CSMD1: variants seen among roughly 807,000 people sequenced by gnomAD.
The protein encoded by CSMD1 is CUB and sushi domain-containing protein 1.
In CSMD1, 213 loss-of-function variants were observed where a neutral mutation model predicts 417.5. That is an observed-to-expected ratio of 0.51 (90% CI 0.46 to 0.57). CSMD1 has a LOEUF of 0.57. CSMD1 is among the 20% of genes least tolerant of loss of function. CSMD1 has a pLI of 0.00. For missense variants in CSMD1, 6,923 were observed against 4,529.7 expected (o/e 1.53, Z -15.17); for synonymous variants, 2,862 against 1,736.8 (o/e 1.65, Z -16.11).
chr8:4,276,418 G>C (rs541215291), intron 3 of CSMD1, among the ~76,000 whole-genome samples: 9 of 152,104 alleles, frequency 5.9e-5, no homozygotes, highest in East Asian at 1.9e-4. Flanking sequence ...AGTGGGAGTT[G>C]AACAATGAGG....
At chr8:4,690,167 T>G (rs1414028829) in intron 1 of CSMD1, among the ~76,000 whole-genome samples, 1 of 152,214 alleles carries the variant, frequency 6.6e-6, no homozygotes, top group African/African-American at 2.4e-5. Flanking sequence ...AAGATTACCC[T>G]CACAGTGTTA....
In CSMD1 at chr8:3,000,061, G is replaced by C. The variant is rs777461082; in HGVS notation, c.8100C>G (p.Asp2700Glu). ...CAGGATTGCACTGGTAAACCACCGTGTCTCTGTAACTGAAGCCATCTCCAC... is the reference window on the plus strand; with the variant it reads ...CAGGATTGCACTGGTAAACCACCGTCTCTCTGTAACTGAAGCCATCTCCAC... ...HISGDGFSYR[D>E]TVVYQCNPGF... The change falls in exon 53 of 70, where the codon GAC becomes GAG. Residue 2700 changes from aspartate to glutamate, a missense_variant. Asp to Glu is a conservative substitution (Grantham distance 45). Coordinates refer to ENST00000635120, the MANE Select transcript of CSMD1 (RefSeq NM_033225.6). The C allele has an allele frequency of 6.9e-6, 11 of 1,603,452 alleles. No homozygotes were observed. Among genetic ancestry groups the C allele is most frequent in the East Asian group, 2.2e-5 (1 of 44,526 alleles).
At chr8:4,270,635 C>A (rs1242116489) in intron 3 of CSMD1, among the ~76,000 whole-genome samples, 1 of 152,168 alleles carries the variant, frequency 6.6e-6, no homozygotes, top group East Asian at 1.9e-4. Flanking sequence ...ATTAAACCTG[C>A]CCCTCAAATG....
intron 5 of CSMD1, among the ~76,000 whole-genome samples, chr8:3,796,619 G>C (rs935347679): frequency 1.4e-5 from 2 of 147,304 alleles, no homozygotes; most frequent in African/African-American, 4.9e-5. Flanking sequence ...TAGATGTATA[G>C]ATATATATCT....
chr8:4,458,318 CAA>C (rs1268692749), intron 2 of CSMD1, among the ~76,000 whole-genome samples: 1 of 151,690 alleles, frequency 6.6e-6, no homozygotes, highest in Non-Finnish European at 1.5e-5. Flanking sequence ...TGTGTGCGCA[CAA>C]GGGATCGATT....
At chr8:4,585,370 T>C (rs1799647383) in intron 2 of CSMD1, among the ~76,000 whole-genome samples, 2 of 152,062 alleles carry the variant, frequency 1.3e-5, no homozygotes, top group Non-Finnish European at 2.9e-5. Flanking sequence ...AAAAGGTTAA[T>C]ACACAATTTT....
Position 4,407,761 on chromosome 8 carries a change from C to T in CSMD1, c.415+12192G>A, listed in dbSNP as rs185598800. On this transcript the variant is annotated intron_variant, in intron 3 of 69. Transcript: ENST00000635120. ...ATGTAAGCATTCCTTTAAAAACAGT[C>T]AAGTAAATACAGAAATTTTGATACA... 5.5e-3 allele frequency among the ~76,000 whole-genome samples: 834 copies of T among 152,172 alleles called. 10 individuals carry two copies. The highest frequency in any genetic ancestry group is 0.019 in the African/African-American group (786 of 41,512).
At chr8:4,626,460 T>C (rs114507125) in intron 2 of CSMD1, among the ~76,000 whole-genome samples, 2 of 152,048 alleles carry the variant, frequency 1.3e-5, no homozygotes, top group African/African-American at 4.8e-5. Flanking sequence ...GAGGGTTTAG[T>C]GTGAGATGGG....
intron 6 of CSMD1, among the ~76,000 whole-genome samples, chr8:3,711,205 C>G (rs368167027): frequency 1.3e-5 from 2 of 152,172 alleles, no homozygotes; most frequent in African/African-American, 4.8e-5. Context: ...CTTTTCCCAA[C>G]AGTGTAGCTT....
chr8:3,851,093 C>G (rs1316508680), intron 5 of CSMD1, among the ~76,000 whole-genome samples: 1 of 152,100 alleles, frequency 6.6e-6, no homozygotes, highest in Non-Finnish European at 1.5e-5. Context: ...AGGTATAATT[C>G]TAGATATCAT....
intron 8 of CSMD1, among the ~76,000 whole-genome samples, chr8:3,592,448 T>C (rs1490106987): frequency 6.6e-6 from 1 of 151,984 alleles, no homozygotes; most frequent in African/African-American, 2.4e-5. Context: ...AACACAAAAA[T>C]TTGAGGAAAC....
chr8:4,357,741 T>G (rs1230142594), intron 3 of CSMD1, among the ~76,000 whole-genome samples: 1 of 151,938 alleles, frequency 6.6e-6, no homozygotes, highest in Non-Finnish European at 1.5e-5. Context: ...AAGCCAAAAT[T>G]TTAAAGGTAT....
At chr8:3,535,692 G>T (rs558694173) in intron 10 of CSMD1, among the ~76,000 whole-genome samples, 3 of 152,168 alleles carry the variant, frequency 2.0e-5, no homozygotes, top group Admixed American at 2.0e-4. Context: ...AATTGCACTT[G>T]TACCCCTCAT....
At chr8:4,622,047 T>C (rs1801809898) in intron 2 of CSMD1, among the ~76,000 whole-genome samples, 1 of 151,708 alleles carries the variant, frequency 6.6e-6, no homozygotes, top group Non-Finnish European at 1.5e-5. Context: ...AGAACATTTG[T>C]GAAAAATCTA....
intron 5 of CSMD1, among the ~76,000 whole-genome samples, chr8:3,955,114 C>G (rs928470151): frequency 6.6e-6 from 1 of 152,158 alleles, no homozygotes; most frequent in Admixed American, 6.5e-5. Context: ...CCGTCTCCTG[C>G]CCCCCTCATA....
rs182510357 is a variant in CSMD1, at chr8:4,670,913, A to G, written c.86-33355T>C. The stretch of plus-strand genomic sequence containing the variant: ...TAACAAGGAAATTTTAGTGACAAGG[A>G]TAGCTTTATTAATTGAGCAGTCATA... On this transcript the variant is annotated intron_variant, in intron 1 of 69. Transcript: ENST00000635120. 2.8e-3 allele frequency among the ~76,000 whole-genome samples: 431 copies of G among 152,306 alleles called. 3 individuals are homozygous for G. Among genetic ancestry groups the G allele is most frequent in the Non-Finnish European group, 2.7e-3 (187 of 68,030 alleles).
intron 1 of CSMD1, 86 bp from the exon 2 acceptor site, chr8:4,637,644 A>AGTTTTTTTTTTTTTTTTTT (rs1563357444): frequency 3.1e-6 from 1 of 321,438 alleles, no homozygotes; most frequent in Non-Finnish European, 5.1e-6. Flanking sequence ...ACTTTAGCCA[A>AGTTTTTTTTTTTTTTTTTT]TTTTTTTTTT....
chr8:3,801,047 C>T lies in CSMD1; in HGVS notation c.819-47005G>A, dbSNP rs374326449. On this transcript the variant is annotated intron_variant, in intron 5 of 69. Coordinates refer to ENST00000635120, the MANE Select transcript of CSMD1 (RefSeq NM_033225.6). ...AAGCAAAAGAGTAAATCTTTATAAC[C>T]GTGGTTGAGGCCATGCTTCCCTTGA... Among the ~76,000 whole-genome samples the T allele has an allele frequency of 2.2e-3, 325 of 151,094 alleles. 1 individual carries two copies. Among genetic ancestry groups the T allele is most frequent in the African/African-American group, 7.0e-3 (288 of 41,188 alleles).
At chr8:3,308,288 T>C (rs767293690) in intron 24 of CSMD1, 24 bp downstream of exon 24, 4 of 1,577,504 alleles carry the variant, frequency 2.5e-6, no homozygotes, top group East Asian at 2.3e-5. Flanking sequence ...TTTTGCACAA[T>C]GGTATGACTG....
Sources: gnomAD v4.1 joint callset for allele counts (sites outside exome capture counted in the v4.1 genomes callset) on GRCh38, gnomAD v4.1.1 for gene constraint, MANE v1.5 for transcripts, NCBI Gene and HGNC (gene_info 2026-07-23, HGNC 2026-07-21) for gene names.